The following FAM135A variants were observed in gnomAD, a reference collection of about 807,000 sequenced individuals.
The protein encoded by FAM135A is protein FAM135A.
Under a neutral mutation model 146.8 loss-of-function variants are expected in FAM135A, and 79 were observed. That is an observed-to-expected ratio of 0.54 (90% CI 0.45 to 0.65). The LOEUF is 0.65. Among genes scored for constraint, FAM135A ranks in the 30% least tolerant of loss-of-function variants. The pLI, the probability that FAM135A is intolerant of heterozygous loss-of-function variation, is 0.00. For synonymous variants in FAM135A, 562 were observed against 603.6 expected, an observed-to-expected ratio of 0.93 and a Z score of 1.01; for missense variants, 1,623 against 1,758.2, an observed-to-expected ratio of 0.92 and a Z score of 1.38.
chr6:70,503,068 A>G (rs550751395), intron 12 of FAM135A: 1 of 191,448 alleles, frequency 5.2e-6, no homozygotes, highest in East Asian at 1.2e-4. Flanking sequence ...ATAGGAACCT[A>G]AGAATAGGAA....
chr6:70,449,960 C>A (rs139584081), intron 4 of FAM135A, among the ~76,000 whole-genome samples: 7 of 152,080 alleles, frequency 4.6e-5, no homozygotes, highest in Non-Finnish European at 7.4e-5. Context: ...GCCATTCTAA[C>A]GGATGTGGGT....
chr6:70,508,296 G>C lies in FAM135A; in HGVS notation c.1029+5505G>C, dbSNP rs78745725. Among the ~76,000 whole-genome samples, 22 of 152,246 alleles carry C rather than the reference G, an allele frequency of 1.4e-4. No individual in the cohort carries two copies. In the East Asian group the frequency reaches 4.0e-3, roughly 28 times the overall value. On this transcript the variant is annotated intron_variant, in intron 12 of 21. Coordinates refer to ENST00000418814, the MANE Select transcript of FAM135A (RefSeq NM_001162529.3). ...TGTAACAAAGACAGTCAGGATTTCT[G>C]CTCACAAGCCTTTCAGAAATGCAAG...
chr6:70,416,620 A>C (rs1022253069), intron 2 of FAM135A, among the ~76,000 whole-genome samples: 1 of 152,132 alleles, frequency 6.6e-6, no homozygotes, highest in African/African-American at 2.4e-5. Flanking sequence ...GTCAGGAAGA[A>C]GGTTTAGAGA....
rs754818109 is a variant in FAM135A, at chr6:70,464,658, C to CTTTTTTTTTTTTTTTTTTTTTTT, written c.158-10744_158-10743insTTTTTTTTTTTTTTTTTTTTTTT. Among the ~76,000 whole-genome samples the CTTTTTTTTTTTTTTTTTTTTTTT allele has an allele frequency of 1.0e-4, 10 of 100,422 alleles. 3 individuals carry two copies. Among genetic ancestry groups the CTTTTTTTTTTTTTTTTTTTTTTT allele is most frequent in the African/African-American group, 3.7e-4 (10 of 26,688 alleles). 65.9% of individuals were successfully genotyped at this position (100,422 alleles called of 152,430 possible). On this transcript the variant is annotated intron_variant, in intron 5 of 21. Transcript: ENST00000418814. ...TTTAAATTTCTTTCTTTCTTTCTTT[C>CTTTTTTTTTTTTTTTTTTTTTTT]TTTTTTTTCTTTTTTTTTTTTTTTT...
intron 4 of FAM135A, among the ~76,000 whole-genome samples, chr6:70,449,250 T>C (rs1021724737): frequency 6.6e-6 from 1 of 152,112 alleles, no homozygotes; most frequent in Non-Finnish European, 1.5e-5. Context: ...TTTTTTTTTG[T>C]GGTGAGAACA....
intron 5 of FAM135A, among the ~76,000 whole-genome samples, chr6:70,474,808 G>C (rs1328828514): frequency 6.6e-6 from 1 of 152,104 alleles, no homozygotes; most frequent in African/African-American, 2.4e-5. Context: ...ATGACTGACT[G>C]AATCATCGCC....
At chr6:70,436,866 C>A (rs975293948) in intron 4 of FAM135A, among the ~76,000 whole-genome samples, 6 of 151,556 alleles carry the variant, frequency 4.0e-5, no homozygotes, top group Non-Finnish European at 7.4e-5. Context: ...TAGAGGAGGT[C>A]AAATTAACTG....
At chr6:70,538,228 T>G in intron 19 of FAM135A, 63 bp from the exon 20 acceptor site, 1 of 974,392 alleles carries the variant, frequency 1.0e-6, no homozygotes, top group Non-Finnish European at 1.4e-6. Flanking sequence ...TTAAAATTAA[T>G]AATCTTGGCA....
chr6:70,433,317 G>T (rs539562298), intron 4 of FAM135A, among the ~76,000 whole-genome samples: 3 of 151,818 alleles, frequency 2.0e-5, no homozygotes, highest in African/African-American at 7.3e-5. Flanking sequence ...CTCATGATCC[G>T]CCCGCCTCGG....
chr6:70,486,272 G>T (rs1784632979), intron 10 of FAM135A: 1 of 1,595,874 alleles, frequency 6.3e-7, no homozygotes, highest in Admixed American at 1.7e-5. Flanking sequence ...TTAAGTAAAT[G>T]ATCCCTTTTA....
chr6:70,480,941 G>T lies in FAM135A; in HGVS notation c.583G>T (p.Ala195Ser). 6.2e-7 allele frequency: 1 copy of T among 1,612,412 alleles called. No homozygotes were observed. Among genetic ancestry groups the T allele is most frequent in the South Asian group, 1.1e-5 (1 of 90,868 alleles). Residue 195 changes from alanine (A) to serine (S), a missense_variant, in exon 9 of 22, where the codon GCA becomes TCA. Ala to Ser is a moderately conservative substitution (Grantham distance 99). Around this residue, in one of 7 missense-constraint regions of FAM135A, gnomAD observed 206 missense variants for 194.7 expected, o/e 1.06. Transcript: ENST00000418814. ...GAAGACAACTTGGTTAAATAGAAATGCACCAGCACAAAACAAAGATTCCGT... is the reference window on the plus strand; with the variant it reads ...GAAGACAACTTGGTTAAATAGAAATTCACCAGCACAAAACAAAGATTCCGT... ...PVKTTWLNRN[A>S]PAQNKDSVIP...
intron 2 of FAM135A, among the ~76,000 whole-genome samples, chr6:70,415,892 A>C (rs1249137479): frequency 6.6e-6 from 1 of 152,208 alleles, no homozygotes; most frequent in Non-Finnish European, 1.5e-5. Flanking sequence ...AATTAATAGC[A>C]AAGCAAGCCC....
chr6:70,523,587 C>T (rs1446221194), intron 13 of FAM135A, among the ~76,000 whole-genome samples: 1 of 151,956 alleles, frequency 6.6e-6, no homozygotes, highest in Non-Finnish European at 1.5e-5. Flanking sequence ...CGTCTTTTTC[C>T]CAGCACTAGC....
intron 1 of FAM135A, among the ~76,000 whole-genome samples, chr6:70,414,294 C>T (rs1277184629): frequency 6.6e-6 from 1 of 152,108 alleles, no homozygotes; most frequent in Non-Finnish European, 1.5e-5. Flanking sequence ...CTCCTGGTTC[C>T]CTTTTTGTTA....
intron 12 of FAM135A, among the ~76,000 whole-genome samples, chr6:70,509,426 T>A (rs568217058): frequency 1.3e-5 from 2 of 152,312 alleles, no homozygotes; most frequent in South Asian, 4.2e-4. Flanking sequence ...AATGCTTTAT[T>A]GAAATTACAG....
intron 4 of FAM135A, among the ~76,000 whole-genome samples, chr6:70,449,858 T>G (rs554306401): frequency 6.6e-6 from 1 of 152,240 alleles, no homozygotes; most frequent in Admixed American, 6.5e-5. Flanking sequence ...ATAATGGCTG[T>G]GCTAATTTAC....
In FAM135A at chr6:70,538,410, A is replaced by G. The variant is rs748725312; in HGVS notation, c.4228+9A>G. On this transcript the variant is annotated intron_variant, in intron 20 of 21. Coordinates refer to ENST00000418814, the MANE Select transcript of FAM135A (RefSeq NM_001162529.3). The stretch of plus-strand genomic sequence containing the variant: ...GCTTAGTAACAAAGCAGGTAAGTAT[A>G]TAATAACAGTTTGGAAAATATACAT... 2.1e-6 allele frequency: 3 copies of G among 1,412,890 alleles called. No individual in the cohort carries two copies. Among genetic ancestry groups the G allele is most frequent in the South Asian group, 3.4e-5 (2 of 59,294 alleles). 87.5% of individuals were successfully genotyped at this position (1,412,890 alleles called of 1,614,324 possible).
intron 11 of FAM135A, among the ~76,000 whole-genome samples, chr6:70,500,860 T>C (rs532265504): frequency 1.3e-5 from 2 of 152,296 alleles, no homozygotes; most frequent in African/African-American, 4.8e-5. Flanking sequence ...GGTAGCTTCA[T>C]CCCAGAGGGG....
In FAM135A at chr6:70,526,101, C is replaced by T. The variant is rs775440061; in HGVS notation, c.3017C>T (p.Thr1006Ile). ...AAAAATAGTGATGTATTAAATCTCA[C>T]ACAGATGTATTCAGAAATCCCTACA... ...MKKNSDVLNL[T>I]QMYSEIPTVE... Residue 1006 changes from threonine (T) to isoleucine (I), a missense_variant, in exon 15 of 22, where the codon ACA (threonine) becomes ATA (isoleucine). Transcript: ENST00000418814. 1 of 1,613,364 alleles carries T rather than the reference C, an allele frequency of 6.2e-7. No homozygotes were observed. Among genetic ancestry groups the T allele is most frequent in the South Asian group, 1.1e-5 (1 of 91,008 alleles).
Sources: allele counts gnomAD v4.1 joint callset (sites outside exome capture counted in the v4.1 genomes callset), GRCh38; gene constraint gnomAD v4.1.1; regional missense constraint gnomAD v4.1.1; transcripts MANE v1.5; gene names NCBI Gene and HGNC (gene_info 2026-07-23, HGNC 2026-07-21).